Variants in NT5C1A observed in about 807,000 individuals in gnomAD.
NT5C1A encodes the protein cytosolic 5'-nucleotidase 1A.
In NT5C1A, 18 loss-of-function variants were observed where a neutral mutation model predicts 31.0. The ratio of observed to expected loss-of-function variants is 0.58; its 90% CI spans 0.40 to 0.86. The LOEUF is 0.86. Ranked by LOEUF, NT5C1A falls within the 40% of genes least tolerant of loss-of-function variation. The pLI is 0.00. For missense variants in NT5C1A, 470 were observed against 505.4 expected, an observed-to-expected ratio of 0.93 and a Z score of 0.67; for synonymous variants, 185 against 203.6, an observed-to-expected ratio of 0.91 and a Z score of 0.78.
At chr1:39,669,544 G>A (rs933892074) in intron 1 of NT5C1A, among the ~76,000 whole-genome samples, 6 of 152,202 alleles carry the variant, frequency 3.9e-5, no homozygotes, top group African/African-American at 1.4e-4. Flanking sequence ...CCCCAAAATA[G>A]CCTGTGGGAA....
At chr1:39,669,031 T>C (rs1243140192) in intron 1 of NT5C1A, among the ~76,000 whole-genome samples, 1 of 152,028 alleles carries the variant, frequency 6.6e-6, no homozygotes, top group Non-Finnish European at 1.5e-5. Flanking sequence ...GCCGCAGAGG[T>C]GGCCATGTGT....
intron 3 of NT5C1A, among the ~76,000 whole-genome samples, chr1:39,664,064 A>C (rs907219100): frequency 5.3e-5 from 8 of 152,180 alleles, no homozygotes; most frequent in Non-Finnish European, 1.0e-4. Context: ...AGAATTTGAA[A>C]TTAGGATTTA....
chr1:39,671,971 G>T lies in NT5C1A; in HGVS notation c.68C>A (p.Ala23Glu). 1.2e-6 allele frequency: 2 copies of T among 1,611,794 alleles called. No individual in the cohort carries two copies. The highest frequency in any genetic ancestry group is 1.7e-6 in the Non-Finnish European group (2 of 1,179,672). Residue 23 changes from alanine (A) to glutamate (E), a missense_variant, in exon 1 of 6, where the codon GCG (alanine) becomes GAG (glutamate). Physicochemically the swap from Ala to Glu is moderately radical, Grantham distance 107. Coordinates refer to ENST00000235628, the MANE Select transcript of NT5C1A (RefSeq NM_032526.3). Reference sequence around the variant, plus strand: ...CTTGGCTTCCTCCCAGACCGGGGCCGCAGCGGTCTCCGCTCCTGGCCCGGG... The same window carrying T: ...CTTGGCTTCCTCCCAGACCGGGGCCTCAGCGGTCTCCGCTCCTGGCCCGGG... ...REPGPGAETA[A>E]APVWEEAKIF...
intron 1 of NT5C1A, among the ~76,000 whole-genome samples, chr1:39,668,179 TAAACCCTG>T (rs1646533244): frequency 6.6e-6 from 1 of 152,188 alleles, no homozygotes; most frequent in Admixed American, 6.5e-5. Flanking sequence ...CCCACTCTCA[TAAACCCTG>T]GAAGCCTGGA....
Position 39,659,294 on chromosome 1 carries a change from C to A in NT5C1A, c.934G>T (p.Ala312Ser), listed in dbSNP as rs1163618219. 6.2e-7 allele frequency: 1 copy of A among 1,614,068 alleles called. No individual in the cohort carries two copies. The highest frequency in any genetic ancestry group is 8.5e-7 in the Non-Finnish European group (1 of 1,180,046). ...ETDEALFLAG[A>S]PKGPLLEKIR... ...TTCTCAAGGAGAGGGCCCTTGGGCGCTCCAGCAAGGAACAAGGCTTCATCT... is the reference window on the plus strand; with the variant it reads ...TTCTCAAGGAGAGGGCCCTTGGGCGATCCAGCAAGGAACAAGGCTTCATCT... Residue 312 changes from alanine (A) to serine (S), a missense_variant, in exon 6 of 6, where the codon GCG becomes TCG. Physicochemically the swap from Ala to Ser is moderately conservative, Grantham distance 99. Transcript: ENST00000235628.
chr1:39,663,493 T>C, intron 3 of NT5C1A, 59 bp from the exon 4 acceptor site: 2 of 1,585,904 alleles, frequency 1.3e-6, no homozygotes, highest in Non-Finnish European at 1.7e-6. Flanking sequence ...TTCAGGGCAG[T>C]CTCTCTGTGC....
At chr1:39,671,632 G>C (rs778257492) in intron 1 of NT5C1A, among the ~76,000 whole-genome samples, 28 of 152,244 alleles carry the variant, frequency 1.8e-4, no homozygotes, top group Non-Finnish European at 3.4e-4. Flanking sequence ...CCCGAGTGGG[G>C]AGGGGCTGGG....
intron 1 of NT5C1A, among the ~76,000 whole-genome samples, chr1:39,670,816 A>G (rs949375183): frequency 6.6e-6 from 1 of 152,194 alleles, no homozygotes; most frequent in African/African-American, 2.4e-5. Context: ...CTTTAAGATC[A>G]GGATACGTGC....
rs201267553 is a variant in NT5C1A, at chr1:39,672,087, G to T, written c.-49C>A. On this transcript the variant is annotated 5_prime_UTR_variant, in exon 1 of 6. Transcript: ENST00000235628. ...CCAGAGCAGGCGGCGGCGTAGACGC[G>T]GAGGTGGCTGGGGCTGGGCTGCAGG... 7.0e-7 allele frequency: 1 copy of T among 1,421,418 alleles called. No individual in the cohort carries two copies. Among genetic ancestry groups the T allele is most frequent in the Non-Finnish European group, 9.4e-7 (1 of 1,068,542 alleles). 88.1% of individuals were successfully genotyped at this position (1,421,418 alleles called of 1,614,324 possible).
In NT5C1A at chr1:39,653,003, G is replaced by A. The variant is rs139763112; in HGVS notation, c.*6118C>T. On this transcript the variant is annotated 3_prime_UTR_variant, in exon 6 of 6. Coordinates refer to ENST00000235628, the MANE Select transcript of NT5C1A (RefSeq NM_032526.3). Reference sequence around the variant, plus strand: ...CAGGTGTCTAATAGGTACTACCCATGTCACAATACCAATGGCGCCCTCTAG... The same window carrying A: ...CAGGTGTCTAATAGGTACTACCCATATCACAATACCAATGGCGCCCTCTAG... Among the ~76,000 whole-genome samples the A allele has an allele frequency of 4.6e-5, 7 of 152,242 alleles. No individual in the cohort carries two copies. Among genetic ancestry groups the A allele is most frequent in the Admixed American group, 4.6e-4 (7 of 15,292 alleles).
At chr1:39,671,147 T>A (rs916832082) in intron 1 of NT5C1A, among the ~76,000 whole-genome samples, 1 of 152,196 alleles carries the variant, frequency 6.6e-6, no homozygotes, top group African/African-American at 2.4e-5. Context: ...ATCTGGGAAG[T>A]TGGAGACAGC....
In NT5C1A at chr1:39,666,176, C is replaced by T. The variant is rs372647397; in HGVS notation, c.196G>A (p.Glu66Lys). The T allele has an allele frequency of 8.7e-6, 14 of 1,613,330 alleles. No homozygotes were observed. Among genetic ancestry groups the T allele is most frequent in the African/African-American group, 5.3e-5 (4 of 74,836 alleles). ...VSSRALFRMDEEQQIYTEQGV... is the reference protein window; with the variant it reads ...VSSRALFRMDKEQQIYTEQGV... The stretch of plus-strand genomic sequence containing the variant: ...TGCTCCGTGTAGATCTGCTGCTCCT[C>T]GTCCATGCGAAACAAGGCTCGGGAG... The change falls in exon 2 of 6, where the codon GAG becomes AAG. Residue 66 changes from glutamate to lysine, a missense_variant. Physicochemically the swap from Glu to Lys is moderately conservative, Grantham distance 56. Transcript: ENST00000235628.
rs61024293 is a variant in NT5C1A, at chr1:39,652,030, C to CAAAAAAAAAAAAAAA, written c.*7076_*7090dup. 2.6e-5 allele frequency among the ~76,000 whole-genome samples: 1 copy of CAAAAAAAAAAAAAAA among 37,854 alleles called. No homozygotes were observed. The highest frequency in any genetic ancestry group is 5.4e-5 in the Non-Finnish European group (1 of 18,468). The allele number at this position is 37,854 out of a possible 152,430, so 24.8% of individuals were successfully genotyped here. ...TGAGTGACAGAGCAAGACTCCGTCT[C>CAAAAAAAAAAAAAAA]AAAAAAAAAAAAAAAAAAAAAAAAA... On this transcript the variant is annotated 3_prime_UTR_variant, in exon 6 of 6. Transcript: ENST00000235628.
intron 1 of NT5C1A, among the ~76,000 whole-genome samples, chr1:39,670,821 A>G (rs1046468706): frequency 6.6e-6 from 1 of 152,190 alleles, no homozygotes; most frequent in Non-Finnish European, 1.5e-5. Context: ...AGATCAGGAT[A>G]CGTGCCACTT....
At chr1:39,664,463 G>GTC (rs1216785970) in intron 3 of NT5C1A, among the ~76,000 whole-genome samples, 11 of 70,020 alleles carry the variant, frequency 1.6e-4, no homozygotes, top group African/African-American at 5.2e-4. Context: ...TTATTTTTCT[G>GTC]TCTCTCTCTC....
chr1:39,667,309 G>A (rs1352895117), intron 1 of NT5C1A, among the ~76,000 whole-genome samples: 1 of 147,550 alleles, frequency 6.8e-6, no homozygotes, highest in African/African-American at 2.5e-5. Context: ...TCGAGCAATT[G>A]TCCTGCCTCA....
At chr1:39,663,045 T>G (rs1316499930) in intron 4 of NT5C1A, among the ~76,000 whole-genome samples, 4 of 151,668 alleles carry the variant, frequency 2.6e-5, no homozygotes, top group African/African-American at 9.7e-5. Flanking sequence ...GTAGAGAGGG[T>G]TTCCATGGAA....
intron 3 of NT5C1A, 127 bp from the exon 4 acceptor site, chr1:39,663,561 A>C (rs1312602956): frequency 4.4e-6 from 4 of 912,122 alleles, no homozygotes; most frequent in Non-Finnish European, 6.7e-6. Flanking sequence ...GTCTCAGTGT[A>C]ATTTTAGGCC....
chr1:39,663,736 G>A (rs1646504012), intron 3 of NT5C1A, among the ~76,000 whole-genome samples: 1 of 152,066 alleles, frequency 6.6e-6, no homozygotes, highest in Admixed American at 6.5e-5. Context: ...TTGGATAAGA[G>A]CAGACATCTG....
Sources: gnomAD v4.1 joint callset for allele counts (sites outside exome capture counted in the v4.1 genomes callset) on GRCh38, gnomAD v4.1.1 for gene constraint, MANE v1.5 for transcripts, NCBI Gene and HGNC (gene_info 2026-07-23, HGNC 2026-07-21) for gene names.